Variants in AP2A1 observed in about 807,000 individuals in gnomAD.
AP2A1 encodes adaptor related protein complex 2 subunit alpha 1, also known as AP-2 complex subunit alpha-1.
Under a neutral mutation model 107.3 loss-of-function variants are expected in AP2A1, and 21 were observed. The ratio of observed to expected loss-of-function variants is 0.20; its 90% confidence interval spans 0.14 to 0.28. The LOEUF is 0.28. Among genes scored for constraint, AP2A1 ranks in the 10% least tolerant of loss-of-function variants. The pLI, the probability that AP2A1 is intolerant of heterozygous loss-of-function variation, is 1.00. For missense variants in AP2A1, 873 were observed against 1,307.7 expected, an observed-to-expected ratio of 0.67 and a Z score of 5.13; for synonymous variants, 602 against 564.8, an observed-to-expected ratio of 1.07 and a Z score of -0.93.
In AP2A1 at chr19:49,792,838, C is replaced by T. The variant is rs186114696; in HGVS notation, c.604-153C>T. Among the ~76,000 whole-genome samples the T allele has an allele frequency of 1.1e-3, 163 of 152,250 alleles. 2 individuals are homozygous for T. In the East Asian group the frequency reaches 0.031, roughly 29 times the overall value. ...CCGAGGCCCCGTGGCCTCCTCACCC[C>T]ACCCCTAAAGCACGCACAGTGACAC... On this transcript the variant is annotated intron_variant, in intron 5 of 22. Transcript: ENST00000354293.
intron 1 of AP2A1, among the ~76,000 whole-genome samples, chr19:49,769,492 C>A (rs1050682035): frequency 1.4e-4 from 22 of 152,026 alleles, no homozygotes; most frequent in African/African-American, 4.4e-4. Flanking sequence ...GGAAAGGGGT[C>A]CTGGCACAGG....
intron 15 of AP2A1, 133 bp downstream of exon 15, chr19:49,802,274 C>T (rs1316389132): frequency 1.1e-6 from 1 of 874,950 alleles, no homozygotes; most frequent in Non-Finnish European, 1.8e-6. Flanking sequence ...ATGCCTTCGC[C>T]AGCCCTGGCT....
rs780975220 is a variant in AP2A1 at position 49,800,963 on chromosome 19, G to A, written c.1458G>A (p.Ala486=). The A allele has an allele frequency of 4.0e-5, 63 of 1,588,262 alleles. No homozygotes were observed. Among genetic ancestry groups the A allele is most frequent in the Non-Finnish European group, 4.9e-5 (57 of 1,168,018 alleles). The change falls in exon 12 of 23, where the codon GCG becomes GCA. Residue 486 remains alanine (A), a splice_region_variant and synonymous_variant. Coordinates refer to ENST00000354293, the MANE Select transcript of AP2A1 (RefSeq NM_130787.3). ...QGYAAKTVFE[A]LQAPACHENM... is the part of the protein sequence containing the mutation. The stretch of plus-strand genomic sequence containing the variant: ...ACGCCCTTCCCCACCCCACTCAGGC[G>A]CTCCAGGCCCCTGCCTGTCACGAGA...
rs774435770 is a variant in AP2A1, at chr19:49,806,223, G to T, written c.2760G>T (p.Leu920=). The T allele has an allele frequency of 6.8e-6, 11 of 1,607,410 alleles. No individual in the cohort carries two copies. The highest frequency in any genetic ancestry group is 9.3e-6 in the Non-Finnish European group (11 of 1,177,416). Reference sequence around the variant, plus strand: ...CTAAAGCCCTGCAGGTGGGCTGTCTGCTTCGGCTGGAGCCCAATGCCCAGG... The same window carrying T: ...CTAAAGCCCTGCAGGTGGGCTGTCTTCTTCGGCTGGAGCCCAATGCCCAGG... ...IQTKALQVGC[L]LRLEPNAQAQ... Residue 920 remains leucine, a synonymous_variant, in exon 22 of 23, where the codon CTG becomes CTT. Transcript: ENST00000354293.
chr19:49,773,411 C>A lies in AP2A1; in HGVS notation c.67+6211C>A, dbSNP rs182664360. ...TGGTGATCCACTGCAGTGGTGACAT[C>A]GAGCCCAGGCCCTGGGTCTCACTCC... On this transcript the variant is annotated intron_variant, in intron 1 of 22. Coordinates refer to ENST00000354293, the MANE Select transcript of AP2A1 (RefSeq NM_130787.3). Among the ~76,000 whole-genome samples, 916 of 152,284 alleles carry A rather than the reference C, an allele frequency of 6.0e-3. 4 individuals carry two copies. The highest frequency in any genetic ancestry group is 9.5e-3 in the Non-Finnish European group (643 of 68,020).
chr19:49,771,263 T>C (rs1389369677), intron 1 of AP2A1, among the ~76,000 whole-genome samples: 3 of 140,648 alleles, frequency 2.1e-5, no homozygotes, highest in Non-Finnish European at 4.5e-5. Flanking sequence ...AACCCAGGAG[T>C]TCGAATCCAG....
intron 6 of AP2A1, among the ~76,000 whole-genome samples, chr19:49,793,898 CTTTTTTTTTTTTTTTTT>C (rs956804227): frequency 9.4e-5 from 7 of 74,584 alleles, no homozygotes; most frequent in African/African-American, 3.5e-4. Flanking sequence ...CTCATTGTTT[CTTTTTTTTTTTTTTTTT>C]TTTTTTTTTT....
Position 49,806,007 on chromosome 19 carries a change from A to G in AP2A1, c.2655+66A>G, listed in dbSNP as rs933263603. On this transcript the variant is annotated intron_variant, in intron 21 of 22. Coordinates refer to ENST00000354293, the MANE Select transcript of AP2A1 (RefSeq NM_130787.3). ...TGCTTCTCTGAGCCTCTGTTTTCCCATCTGTAAAGTGGGGCCAATTCCCAT... is the reference window on the plus strand; with the variant it reads ...TGCTTCTCTGAGCCTCTGTTTTCCCGTCTGTAAAGTGGGGCCAATTCCCAT... 13 of 1,612,248 alleles carry G rather than the reference A, an allele frequency of 8.1e-6. No individual in the cohort carries two copies. The Admixed American group carries it at 2.0e-4, about 25-fold the overall frequency.
intron 15 of AP2A1, 186 bp downstream of exon 15, chr19:49,802,327 T>C (rs1425640049): frequency 1.2e-6 from 1 of 818,290 alleles, no homozygotes; most frequent in Non-Finnish European, 2.0e-6. Context: ...GCCCTCCCTC[T>C]GCCACTCTGG....
intron 4 of AP2A1, among the ~76,000 whole-genome samples, chr19:49,787,357 T>TTG (rs1180647761): frequency 1.5e-5 from 2 of 130,542 alleles, no homozygotes; most frequent in African/African-American, 2.9e-5. Context: ...GTTTTTTGTT[T>TTG]TTTTTTTTTT....
chr19:49,800,174 T>C (rs1481257748), intron 11 of AP2A1, 24 bp downstream of exon 11: 1 of 1,591,916 alleles, frequency 6.3e-7, no homozygotes, highest in Non-Finnish European at 8.6e-7. Flanking sequence ...ACCCTGACCC[T>C]ATGACCCCAC....
chr19:49,792,699 C>T (rs2073161876), intron 5 of AP2A1, among the ~76,000 whole-genome samples: 1 of 152,146 alleles, frequency 6.6e-6, no homozygotes, highest in Admixed American at 6.5e-5. Context: ...CTTGACTGTC[C>T]CACCCCCACA....
intron 4 of AP2A1, among the ~76,000 whole-genome samples, chr19:49,783,270 C>T (rs1166154107): frequency 6.6e-6 from 1 of 152,150 alleles, no homozygotes; most frequent in Non-Finnish European, 1.5e-5. Context: ...AGGTAGATTG[C>T]TTGAGTCTAG....
At chr19:49,793,269 T>A (rs1366888944) in intron 6 of AP2A1, among the ~76,000 whole-genome samples, 177 bp downstream of exon 6, 2 of 152,172 alleles carry the variant, frequency 1.3e-5, no homozygotes, top group African/African-American at 4.8e-5. Flanking sequence ...CCTGGACAAG[T>A]GGCTTCACCT....
intron 22 of AP2A1, 84 bp downstream of exon 22, chr19:49,806,337 T>C (rs2073382593): frequency 2.7e-6 from 4 of 1,456,934 alleles, no homozygotes; most frequent in Middle Eastern, 2.3e-4. Flanking sequence ...CACTGTTCTT[T>C]AATTCACGTC....
chr19:49,802,847 CT>C, intron 15 of AP2A1, 101 bp from the exon 16 acceptor site: 1 of 1,360,808 alleles, frequency 7.3e-7, no homozygotes. Flanking sequence ...ATATGTGGTT[CT>C]GGGGTTCTGT....
chr19:49,805,354 G>A, intron 18 of AP2A1, 99 bp from the exon 19 acceptor site: 1 of 1,353,854 alleles, frequency 7.4e-7, no homozygotes, highest in South Asian at 1.5e-5. Flanking sequence ...GTCCCTCAAA[G>A]ACCTGCAGGC....
At chr19:49,795,590 C>T (rs951215066) in intron 6 of AP2A1, 40 bp from the exon 7 acceptor site, 2 of 755,898 alleles carry the variant, frequency 2.6e-6, no homozygotes, top group Non-Finnish European at 4.6e-6. Context: ...GTGCCCCTCC[C>T]ACCCCAGCCC....
chr19:49,799,198 C>T (rs895191674), intron 8 of AP2A1, 129 bp from the exon 9 acceptor site: 35 of 1,226,398 alleles, frequency 2.9e-5, no homozygotes, highest in African/African-American at 7.6e-5. Context: ...TGCAGTACTG[C>T]GATGCAAGGC....
Sources: allele counts gnomAD v4.1 joint callset (sites outside exome capture counted in the v4.1 genomes callset), GRCh38; gene constraint gnomAD v4.1.1; transcripts MANE v1.5; gene names NCBI Gene and HGNC (gene_info 2026-07-23, HGNC 2026-07-21).